The following OXSR1 variants were observed in gnomAD, a reference collection of about 807,000 sequenced individuals.
OXSR1 encodes the protein serine/threonine-protein kinase OSR1.
In OXSR1, 24 loss-of-function variants were observed where a neutral mutation model predicts 79.8. The ratio of observed to expected loss-of-function variants is 0.30; its 90% CI spans 0.22 to 0.42. The LOEUF is 0.42. Ranked by LOEUF, OXSR1 falls within the 10% of genes least tolerant of loss-of-function variation. OXSR1 has a pLI of 1.00. For synonymous variants in OXSR1, 226 were observed against 209.2 expected, an observed-to-expected ratio of 1.08 and a Z score of -0.69; for missense variants, 430 against 618.4, an observed-to-expected ratio of 0.70 and a Z score of 3.23.
intron 2 of OXSR1, among the ~76,000 whole-genome samples, chr3:38,187,230 ACT>A (rs1400526994): frequency 6.6e-6 from 1 of 152,210 alleles, no homozygotes; most frequent in Non-Finnish European, 1.5e-5. Context: ...TATAGAATAT[ACT>A]CTCATTTTCT....
At chr3:38,246,805 C>T (rs1703150586) in intron 13 of OXSR1, among the ~76,000 whole-genome samples, 1 of 152,158 alleles carries the variant, frequency 6.6e-6, no homozygotes, top group South Asian at 2.1e-4. Flanking sequence ...TGTGTAACTC[C>T]TTCTCTCCCT....
At chr3:38,221,923 A>G (rs185003047) in intron 6 of OXSR1, among the ~76,000 whole-genome samples, 5 of 152,302 alleles carry the variant, frequency 3.3e-5, no homozygotes, top group Admixed American at 3.3e-4. Context: ...TAATAATTTT[A>G]TTAGTACAAA....
At chr3:38,244,667 G>GTGTGTGTGTGTGTGCA (rs71635865) in intron 12 of OXSR1, among the ~76,000 whole-genome samples, 8 of 57,294 alleles carry the variant, frequency 1.4e-4, no homozygotes, top group Non-Finnish European at 4.0e-4. Flanking sequence ...GTGTGTGTGT[G>GTGTGTGTGTGTGTGCA]CGTGCGCATG....
intron 4 of OXSR1, among the ~76,000 whole-genome samples, chr3:38,207,095 A>G (rs557570782): frequency 6.6e-6 from 1 of 152,336 alleles, no homozygotes; most frequent in South Asian, 2.1e-4. Context: ...CCAGATAGCA[A>G]ATATTTTAGA....
intron 2 of OXSR1, among the ~76,000 whole-genome samples, chr3:38,185,197 C>G (rs926995673): frequency 6.6e-6 from 1 of 151,906 alleles, no homozygotes; most frequent in Admixed American, 6.6e-5. Flanking sequence ...CATTTAAATC[C>G]ATTTGGAAAT....
chr3:38,232,893 TCAG>T (rs1206776142), intron 10 of OXSR1, among the ~76,000 whole-genome samples: 3 of 152,126 alleles, frequency 2.0e-5, no homozygotes, highest in African/African-American at 7.2e-5. Context: ...ACTTGGCAAA[TCAG>T]CAGACTATAA....
chr3:38,178,627 T>A lies in OXSR1; in HGVS notation c.71-4376T>A, dbSNP rs1190597678. On this transcript the variant is annotated intron_variant, in intron 1 of 17. Transcript: ENST00000311806. ...CTATATATATATATATATATTTTTT[T>A]TTTTTTTTTTTTTTCTTTTTTTGTA... Among the ~76,000 whole-genome samples, 482 of 138,620 alleles carry A rather than the reference T, an allele frequency of 3.5e-3. 2 individuals carry two copies. The highest frequency in any genetic ancestry group is 0.012 in the Middle Eastern group (3 of 260). The allele number at this position is 138,620 out of a possible 152,430, so 90.9% of individuals were successfully genotyped here.
chr3:38,224,032 A>G, intron 7 of OXSR1, 119 bp downstream of exon 7: 1 of 597,882 alleles, frequency 1.7e-6, no homozygotes, highest in Non-Finnish European at 2.9e-6. Flanking sequence ...AAAATTGACC[A>G]TCATCTTTAA....
intron 4 of OXSR1, among the ~76,000 whole-genome samples, chr3:38,201,104 C>T (rs1483944325): frequency 1.3e-5 from 2 of 151,970 alleles, no homozygotes; most frequent in Non-Finnish European, 2.9e-5. Context: ...TGGGGTCGTG[C>T]TGTGTCGCCC....
chr3:38,223,370 C>T (rs918250291), intron 6 of OXSR1, among the ~76,000 whole-genome samples: 55 of 152,130 alleles, frequency 3.6e-4, no homozygotes, highest in African/African-American at 1.3e-3. Context: ...AAGCCCACCT[C>T]ATCCTCCCAC....
At chr3:38,239,385 G>A (rs572854421) in intron 11 of OXSR1, among the ~76,000 whole-genome samples, 10 of 152,176 alleles carry the variant, frequency 6.6e-5, no homozygotes, top group East Asian at 1.9e-4. Context: ...AGCTTTGTTC[G>A]GGGATACATT....
At chr3:38,249,164 C>A (rs1165299352) in intron 14 of OXSR1, among the ~76,000 whole-genome samples, 1 of 152,132 alleles carries the variant, frequency 6.6e-6, no homozygotes, top group Non-Finnish European at 1.5e-5. Flanking sequence ...TAGAAGTAAA[C>A]CCTCTCCATT....
chr3:38,164,816 A>C (rs1701398536), upstream of OXSR1, among the ~76,000 whole-genome samples: 1 of 152,108 alleles, frequency 6.6e-6, no homozygotes, highest in African/African-American at 2.4e-5. Flanking sequence ...TGCAGGGTGG[A>C]CCCGCGAGAG....
chr3:38,214,263 A>G lies in OXSR1; in HGVS notation c.435-1833A>G, dbSNP rs78442445. 1.8e-3 allele frequency among the ~76,000 whole-genome samples: 279 copies of G among 151,984 alleles called. 9 individuals are homozygous for G. In the East Asian group the frequency reaches 0.05, roughly 27 times the overall value. On this transcript the variant is annotated intron_variant, in intron 4 of 17. Transcript: ENST00000311806. ...TGTTAAAAATTTAAATAGTTATTTA[A>G]ATCTATTTGAAGAATATCTCTTCCT... is the stretch of plus-strand genomic sequence containing the variant.
chr3:38,205,709 A>G (rs866251296), intron 4 of OXSR1, among the ~76,000 whole-genome samples: 1 of 152,168 alleles, frequency 6.6e-6, no homozygotes, highest in Non-Finnish European at 1.5e-5. Context: ...TAACTGTGGC[A>G]GAGAAGCTGC....
intron 10 of OXSR1, among the ~76,000 whole-genome samples, chr3:38,234,743 C>T (rs1474937758): frequency 1.3e-5 from 2 of 152,194 alleles, no homozygotes; most frequent in African/African-American, 2.4e-5. Flanking sequence ...CCTAGGCACA[C>T]GCCAGAGAAT....
chr3:38,243,827 G>A (rs980687175), intron 12 of OXSR1, among the ~76,000 whole-genome samples: 1 of 152,178 alleles, frequency 6.6e-6, no homozygotes, highest in Admixed American at 6.5e-5. Context: ...TCACTTATAT[G>A]TGTGGCTCCT....
intron 3 of OXSR1, among the ~76,000 whole-genome samples, chr3:38,196,989 G>A (rs535028622): frequency 6.6e-5 from 10 of 152,346 alleles, no homozygotes; most frequent in African/African-American, 2.4e-4. Context: ...CAGTGTTTAT[G>A]ATCATTGTTA....
intron 15 of OXSR1, among the ~76,000 whole-genome samples, chr3:38,251,101 A>G (rs1559530856): frequency 1.3e-5 from 2 of 152,238 alleles, no homozygotes; most frequent in Admixed American, 6.5e-5. Flanking sequence ...GTTTTTGAGA[A>G]TAAATCATTC....
Sources: allele counts gnomAD v4.1 joint callset (sites outside exome capture counted in the v4.1 genomes callset), GRCh38; gene constraint gnomAD v4.1.1; transcripts MANE v1.5; gene names NCBI Gene and HGNC (gene_info 2026-07-23, HGNC 2026-07-21).